The following DDB2 variants were observed in gnomAD, a reference collection of about 807,000 sequenced individuals.
DDB2 encodes the protein DNA damage-binding protein 2.
A neutral mutation model predicts 50.5 loss-of-function variants in DDB2; 27 were observed. The observed-to-expected ratio is 0.53, with a 90% CI of 0.39 to 0.74. The LOEUF is 0.74. DDB2 is among the 30% of genes least tolerant of loss of function. The pLI, the probability that DDB2 is intolerant of heterozygous loss-of-function variation, is 0.00. For synonymous variants in DDB2, 176 were observed against 205.5 expected, an observed-to-expected ratio of 0.86 and a Z score of 1.23; for missense variants, 424 against 545.6, an observed-to-expected ratio of 0.78 and a Z score of 2.22.
At chr11:47,238,300 G>C in intron 9 of DDB2, 117 bp downstream of exon 9, 2 of 932,490 alleles carry the variant, frequency 2.1e-6, no homozygotes, top group Non-Finnish European at 3.4e-6. Flanking sequence ...GGCCCACGAA[G>C]AAGATGGCTG....
At chr11:47,221,970 G>A (rs910586782) in intron 3 of DDB2, among the ~76,000 whole-genome samples, 2 of 152,110 alleles carry the variant, frequency 1.3e-5, no homozygotes, top group African/African-American at 4.8e-5. Context: ...TCAGCCTATG[G>A]GGTAGTCCTA....
At chr11:47,220,292 A>G (rs1247712553) in intron 3 of DDB2, 2 of 152,272 alleles carry the variant, frequency 1.3e-5, no homozygotes, top group African/African-American at 4.8e-5. Context: ...GGTGACCGCT[A>G]ATAAGGCAGC....
intron 9 of DDB2, 151 bp downstream of exon 9, chr11:47,238,334 A>T: frequency 4.0e-6 from 3 of 743,346 alleles, no homozygotes; most frequent in Non-Finnish European, 4.7e-6. Context: ...TCTATAGCCA[A>T]GGCCCTCCAT....
intron 4 of DDB2, chr11:47,233,265 G>A (rs777457500): frequency 8.2e-5 from 36 of 438,926 alleles, no homozygotes; most frequent in Non-Finnish European, 1.4e-4. Context: ...GCCACCTAGA[G>A]AATGGAGCAA....
chr11:47,216,161 T>A, intron 1 of DDB2, 175 bp from the exon 2 acceptor site: 1 of 954,442 alleles, frequency 1.0e-6, no homozygotes, highest in Non-Finnish European at 1.7e-6. Context: ...GGCCAAATCC[T>A]CACTCATTTT....
rs563630572 is a variant in DDB2, at chr11:47,230,141, A to G, written c.457-2673A>G. ...AGTGAGACCCTGTCTCTAAAAAAAAAAAAAAAAAAAAATTGGTGACACACA... is the reference window on the plus strand; with the variant it reads ...AGTGAGACCCTGTCTCTAAAAAAAAGAAAAAAAAAAAATTGGTGACACACA... On this transcript the variant is annotated intron_variant, in intron 3 of 9. Coordinates refer to ENST00000256996, the MANE Select transcript of DDB2 (RefSeq NM_000107.3). Among the ~76,000 whole-genome samples the G allele has an allele frequency of 9.5e-4, 145 of 152,042 alleles. 1 individual carries two copies. Among genetic ancestry groups the G allele is most frequent in the Non-Finnish European group, 1.6e-3 (108 of 67,968 alleles).
chr11:47,219,936 C>A (rs950547884), intron 3 of DDB2, among the ~76,000 whole-genome samples: 5 of 152,078 alleles, frequency 3.3e-5, no homozygotes, highest in African/African-American at 1.2e-4. Context: ...TACTGGTGCC[C>A]GCCACCACAC....
chr11:47,232,159 C>T (rs1953658155), intron 3 of DDB2, among the ~76,000 whole-genome samples: 1 of 152,060 alleles, frequency 6.6e-6, no homozygotes, highest in Non-Finnish European at 1.5e-5. Flanking sequence ...GCCTGGCCAA[C>T]ATGGTGAAAC....
At position 47,238,167 on chromosome 11, in the gene DDB2, G is replaced by A. The variant is rs1470480918; in HGVS notation, c.1218G>A (p.Thr406=). ...ATGAATTCAATCCCATGGGGGACAC[G>A]CTGGCCTCTGCAATGGGTGAGTAGG... The part of the protein sequence containing the change: ...SLNEFNPMGD[T]LASAMGYHIL... Residue 406 remains threonine, a synonymous_variant, in exon 9 of 10, where the codon ACG becomes ACA. Transcript: ENST00000256996. 4.3e-6 allele frequency: 7 copies of A among 1,611,192 alleles called. No homozygotes were observed. Among genetic ancestry groups the A allele is most frequent in the East Asian group, 2.2e-5 (1 of 44,860 alleles).
upstream of DDB2, chr11:47,214,945 C>T: frequency 1.3e-6 from 1 of 764,168 alleles, no homozygotes; most frequent in Non-Finnish European, 2.1e-6. Flanking sequence ...GCGGGGTCTC[C>T]GAGACGGGTG....
intron 9 of DDB2, 37 bp downstream of exon 9, chr11:47,238,220 C>G (rs371594907): frequency 1.3e-6 from 2 of 1,573,374 alleles, no homozygotes; most frequent in Non-Finnish European, 1.7e-6. Context: ...TTGCCAAGTC[C>G]GATCCTACTT....
At chr11:47,238,755 A>G (rs1953788888) in intron 9 of DDB2, 45 bp from the exon 10 acceptor site, 2 of 1,607,542 alleles carry the variant, frequency 1.2e-6, no homozygotes, top group Non-Finnish European at 1.7e-6. Context: ...GCTCTGAGAG[A>G]TTGGTAACAG....
At chr11:47,219,842 C>T (rs1249575951) in intron 3 of DDB2, among the ~76,000 whole-genome samples, 2 of 152,258 alleles carry the variant, frequency 1.3e-5, no homozygotes, top group Admixed American at 6.5e-5. Context: ...GGCTGGAGTG[C>T]AGTGGCGCAA....
In DDB2 at chr11:47,238,975, T is replaced by C. The variant is rs554676341; in HGVS notation, c.*126T>C. The C allele has an allele frequency of 7.0e-4, 687 of 976,266 alleles. 4 individuals carry two copies. The highest frequency in any genetic ancestry group is 1.5e-4 in the Non-Finnish European group (94 of 638,144). The allele number at this position is 976,266 out of a possible 1,614,324, so 60.5% of individuals were successfully genotyped here. A position where few individuals can be genotyped will look rare whatever the true frequency, so the allele number is the denominator to read the frequency against. Reference sequence around the variant, plus strand: ...TCCAAGGTTAGGGTTGGAGCAGGGGTGCTGGGACCTGGGGCACTGTGGGAC... The same window carrying C: ...TCCAAGGTTAGGGTTGGAGCAGGGGCGCTGGGACCTGGGGCACTGTGGGAC... On this transcript the variant is annotated 3_prime_UTR_variant, in exon 10 of 10. Transcript: ENST00000256996.
chr11:47,235,107 C>G, intron 6 of DDB2, 163 bp from the exon 7 acceptor site: 1 of 1,318,520 alleles, frequency 7.6e-7, no homozygotes, highest in Admixed American at 1.8e-5. Flanking sequence ...GCTGAGTTTC[C>G]AGAATTTTTT....
At chr11:47,235,032 C>T (rs1156760661) in intron 6 of DDB2, 98 bp downstream of exon 6, 2 of 1,418,658 alleles carry the variant, frequency 1.4e-6, no homozygotes, top group African/African-American at 2.8e-5. Flanking sequence ...CAAACCTTTA[C>T]CCCTGATAGC....
At chr11:47,238,556 G>A (rs562942499) in intron 9 of DDB2, among the ~76,000 whole-genome samples, 5 of 152,132 alleles carry the variant, frequency 3.3e-5, no homozygotes, top group Admixed American at 2.0e-4. Context: ...CCGCTACCAC[G>A]CCCAGCTAAT....
At chr11:47,216,295 C>T (rs778571431) in intron 1 of DDB2, 41 bp from the exon 2 acceptor site, 14 of 1,614,022 alleles carry the variant, frequency 8.7e-6, no homozygotes, top group Admixed American at 6.7e-5. Context: ...AAAAACCTTT[C>T]GTGAGATTGG....
At chr11:47,219,095 C>G (rs1238991342) in intron 3 of DDB2, among the ~76,000 whole-genome samples, 1 of 152,130 alleles carries the variant, frequency 6.6e-6, no homozygotes, top group Non-Finnish European at 1.5e-5. Context: ...CAGGTGCATG[C>G]TGCCACGCCT....
Sources: allele counts gnomAD v4.1 joint callset (sites outside exome capture counted in the v4.1 genomes callset), GRCh38; gene constraint gnomAD v4.1.1; transcripts MANE v1.5; gene names NCBI Gene and HGNC (gene_info 2026-07-23, HGNC 2026-07-21).